Variants in ADAMTS6 observed in about 807,000 individuals in gnomAD.
The protein encoded by ADAMTS6 is ADAM metallopeptidase with thrombospondin type 1 motif 6.
In ADAMTS6, 23 loss-of-function variants were observed where a neutral mutation model predicts 144.3. The observed-to-expected ratio is 0.16, with a 90% CI of 0.11 to 0.23. ADAMTS6 has a LOEUF of 0.23. Ranked by LOEUF, ADAMTS6 falls within the 10% of genes least tolerant of loss-of-function variation. The pLI, the probability that ADAMTS6 is intolerant of heterozygous loss-of-function variation, is 1.00. For synonymous variants in ADAMTS6, 444 were observed against 457.5 expected, an observed-to-expected ratio of 0.97 and a Z score of 0.38; for missense variants, 999 against 1,379.6, an observed-to-expected ratio of 0.72 and a Z score of 4.37.
chr5:65,220,773 T>C (rs1485205051), intron 18 of ADAMTS6, among the ~76,000 whole-genome samples: 1 of 151,864 alleles, frequency 6.6e-6, no homozygotes, highest in African/African-American at 2.4e-5. Flanking sequence ...TGGGAATCAA[T>C]GTAATGCAAA....
intron 8 of ADAMTS6, among the ~76,000 whole-genome samples, chr5:65,333,236 A>G (rs1384134757): frequency 5.9e-5 from 9 of 152,106 alleles, no homozygotes; most frequent in African/African-American, 2.2e-4. Flanking sequence ...ATTGAGAAAA[A>G]AAGCTTCTGT....
intron 7 of ADAMTS6, among the ~76,000 whole-genome samples, chr5:65,335,645 C>T (rs1747232070): frequency 6.6e-6 from 1 of 151,708 alleles, no homozygotes; most frequent in Non-Finnish European, 1.5e-5. Flanking sequence ...AGGTATAGTG[C>T]CATATACTAG....
intron 9 of ADAMTS6, among the ~76,000 whole-genome samples, chr5:65,306,176 A>G (rs939079197): frequency 6.6e-6 from 1 of 152,194 alleles, no homozygotes; most frequent in Non-Finnish European, 1.5e-5. Context: ...CTGTACTGTA[A>G]TAACATCTTT....
At chr5:65,376,024 G>C (rs1580535904) in intron 7 of ADAMTS6, among the ~76,000 whole-genome samples, 2 of 150,364 alleles carry the variant, frequency 1.3e-5, no homozygotes, top group Non-Finnish European at 3.0e-5. Flanking sequence ...AAAAAACAAA[G>C]ACCGCATATT....
At chr5:65,412,580 A>G (rs2150184549) in intron 7 of ADAMTS6, among the ~76,000 whole-genome samples, 1 of 152,244 alleles carries the variant, frequency 6.6e-6, no homozygotes, top group South Asian at 2.1e-4. Flanking sequence ...GGCACACATC[A>G]CTGATAACAT....
rs145346122 is a variant in ADAMTS6 at position 65,430,815 on chromosome 5, A to G, written c.1073+20660T>C. 7.8e-4 allele frequency among the ~76,000 whole-genome samples: 119 copies of G among 152,252 alleles called. 2 individuals are homozygous for G. Among genetic ancestry groups the G allele is most frequent in the African/African-American group, 2.7e-3 (114 of 41,570 alleles). ...TTTTTCTTTGCTTAGAACACATGCCATTGTTATTCTTTGTTGACTCCTCAT... is the reference window on the plus strand; with the variant it reads ...TTTTTCTTTGCTTAGAACACATGCCGTTGTTATTCTTTGTTGACTCCTCAT... On this transcript the variant is annotated intron_variant, in intron 7 of 24. Transcript: ENST00000381055.
intron 1 of ADAMTS6, among the ~76,000 whole-genome samples, chr5:65,476,212 A>T (rs2150291856): frequency 6.6e-6 from 1 of 152,144 alleles, no homozygotes; most frequent in South Asian, 2.1e-4. Context: ...AATCCTGTTC[A>T]GTAATAGGTG....
chr5:65,429,661 C>T (rs917650084), intron 7 of ADAMTS6, among the ~76,000 whole-genome samples: 11 of 151,974 alleles, frequency 7.2e-5, no homozygotes, highest in Non-Finnish European at 1.5e-4. Context: ...ATATTGTTTA[C>T]CATCATACTA....
intron 7 of ADAMTS6, among the ~76,000 whole-genome samples, chr5:65,350,255 A>G (rs552817087): frequency 3.0e-4 from 45 of 152,264 alleles, no homozygotes; most frequent in Non-Finnish European, 5.1e-4. Flanking sequence ...GGTTAAGTTG[A>G]TTTCTTTTTT....
intron 9 of ADAMTS6, among the ~76,000 whole-genome samples, chr5:65,319,756 G>T (rs1580382751): frequency 8.0e-6 from 1 of 125,692 alleles, no homozygotes; most frequent in African/African-American, 3.7e-5. Context: ...AAGGAAGGAA[G>T]GAAGGAAGGA....
chr5:65,149,657 A>C lies in ADAMTS6; in HGVS notation c.*2179T>G, dbSNP rs1752032568. On this transcript the variant is annotated 3_prime_UTR_variant, in exon 25 of 25. Coordinates refer to ENST00000381055, the MANE Select transcript of ADAMTS6 (RefSeq NM_197941.4). ...CTTTTTGAAATAAGAACATGAGCTG[A>C]TATTTATGTTGGAGAAAATCAGATC... The C allele has an allele frequency of 1.3e-5, 2 of 152,634 alleles. No individual in the cohort carries two copies. The highest frequency in any genetic ancestry group is 4.1e-4 in the South Asian group (2 of 4,836). 9.5% of individuals were successfully genotyped at this position (152,634 alleles called of 1,614,324 possible).
intron 1 of ADAMTS6, among the ~76,000 whole-genome samples, chr5:65,480,193 A>C (rs1390159006): frequency 6.6e-6 from 1 of 152,240 alleles, no homozygotes; most frequent in Non-Finnish European, 1.5e-5. Flanking sequence ...AGAACAGAAA[A>C]TTAGTCCACG....
chr5:65,377,361 T>A (rs956746295), intron 7 of ADAMTS6, among the ~76,000 whole-genome samples: 6 of 152,268 alleles, frequency 3.9e-5, no homozygotes, highest in African/African-American at 9.6e-5. Flanking sequence ...CATTCTGACA[T>A]CTGATATTCT....
intron 7 of ADAMTS6, among the ~76,000 whole-genome samples, chr5:65,411,424 C>A (rs1160718478): frequency 2.0e-5 from 3 of 152,096 alleles, no homozygotes; most frequent in Non-Finnish European, 4.4e-5. Flanking sequence ...AATAAAAAGT[C>A]TTTATTTAGA....
intron 20 of ADAMTS6, among the ~76,000 whole-genome samples, chr5:65,202,523 G>A (rs1755801451): frequency 1.3e-5 from 2 of 152,078 alleles, no homozygotes; most frequent in South Asian, 2.1e-4. Flanking sequence ...TGACCTCAAT[G>A]AGATTACACT....
At chr5:65,377,997 G>A (rs1293812711) in intron 7 of ADAMTS6, among the ~76,000 whole-genome samples, 5 of 151,624 alleles carry the variant, frequency 3.3e-5, no homozygotes, top group Admixed American at 6.6e-5. Flanking sequence ...TATTCTCCAT[G>A]TTTGTCTCTG....
intron 23 of ADAMTS6, among the ~76,000 whole-genome samples, chr5:65,172,263 AATT>A (rs1753679382): frequency 6.7e-6 from 1 of 150,218 alleles, no homozygotes; most frequent in South Asian, 2.1e-4. Flanking sequence ...AAATACAAAA[AATT>A]AGCTGGGCGT....
intron 3 of ADAMTS6, among the ~76,000 whole-genome samples, chr5:65,469,956 T>C (rs1477438322): frequency 1.3e-5 from 2 of 152,220 alleles, no homozygotes; most frequent in African/African-American, 2.4e-5. Flanking sequence ...AGAGAAAGCA[T>C]GGAAATTTGC....
At chr5:65,380,483 G>A (rs1005878341) in intron 7 of ADAMTS6, among the ~76,000 whole-genome samples, 1 of 152,062 alleles carries the variant, frequency 6.6e-6, no homozygotes, top group Non-Finnish European at 1.5e-5. Context: ...GGCTGAGGCA[G>A]GAGAATCACT....
Sources: gnomAD v4.1 joint callset for allele counts (sites outside exome capture counted in the v4.1 genomes callset) on GRCh38, gnomAD v4.1.1 for gene constraint, MANE v1.5 for transcripts, NCBI Gene and HGNC (gene_info 2026-07-23, HGNC 2026-07-21) for gene names.